Variants in AMBP observed in about 807,000 individuals in gnomAD.
AMBP encodes protein AMBP.
AMBP carries 37 observed loss-of-function variants against 46.3 expected under a neutral mutation model. The ratio of observed to expected loss-of-function variants is 0.80; its 90% CI spans 0.61 to 1.05. AMBP has a LOEUF of 1.05. AMBP is among the 50% of genes least tolerant of loss of function. The pLI is 0.00. For missense variants in AMBP, 475 were observed against 461.2 expected (o/e 1.03, Z -0.27); for synonymous variants, 174 against 175.9 (o/e 0.99, Z 0.09).
At chr9:114,073,165 A>G in intron 4 of AMBP, 139 bp from the exon 5 acceptor site, 1 of 715,226 alleles carries the variant, frequency 1.4e-6, no homozygotes, top group South Asian at 2.0e-5. Context: ...TGATACACTG[A>G]AGGAAAGACA....
chr9:114,071,671 G>A (rs550295419), intron 5 of AMBP, among the ~76,000 whole-genome samples: 10 of 152,344 alleles, frequency 6.6e-5, no homozygotes, highest in Admixed American at 1.3e-4. Context: ...ACCCATGGCC[G>A]CCCATGGGCC....
At chr9:114,065,247 CAATT>C (rs747668076) in intron 6 of AMBP, among the ~76,000 whole-genome samples, 2 of 152,150 alleles carry the variant, frequency 1.3e-5, no homozygotes, top group Non-Finnish European at 2.9e-5. Flanking sequence ...TGTTCAGATG[CAATT>C]AATTAAGATG....
chr9:114,061,170 G>A, intron 8 of AMBP, 72 bp from the exon 9 acceptor site: 1 of 1,548,574 alleles, frequency 6.5e-7, no homozygotes, highest in Non-Finnish European at 8.8e-7. Context: ...TGAGACTGCT[G>A]AGCCAGAGGG....
chr9:114,070,639 G>C (rs564925426), intron 5 of AMBP, among the ~76,000 whole-genome samples: 1 of 152,188 alleles, frequency 6.6e-6, no homozygotes, highest in Non-Finnish European at 1.5e-5. Flanking sequence ...ACAGAGCATG[G>C]GGCTGGGCCT....
At chr9:114,073,956 T>G in intron 4 of AMBP, 80 bp downstream of exon 4, 1 of 1,360,898 alleles carries the variant, frequency 7.3e-7, no homozygotes, top group Non-Finnish European at 1.1e-6. Context: ...AAACTCCCTG[T>G]GCTTACCCAC....
In AMBP at chr9:114,073,249, C is replaced by CT. The variant is rs758485999; in HGVS notation, c.455-224_455-223insA. 7.5e-3 allele frequency among the ~76,000 whole-genome samples: 1,120 copies of CT among 149,546 alleles called. 17 individuals carry two copies. The highest frequency in any genetic ancestry group is 0.024 in the African/African-American group (987 of 40,556). ...CTGAGTCCCCACAAAGGACTCTTCC[C>CT]CTTTTTTTTTTTTTTGAGACGGAGT... On this transcript the variant is annotated intron_variant, in intron 4 of 9. Coordinates refer to ENST00000265132, the MANE Select transcript of AMBP (RefSeq NM_001633.4).
Position 114,075,034 on chromosome 9 carries a change from T to A in AMBP, c.263A>T (p.Lys88Ile). The change falls in exon 3 of 10, where the codon AAA becomes ATA. Residue 88 changes from lysine (K) to isoleucine (I), a missense_variant and splice_region_variant. This residue lies in a region of AMBP where 179 missense variants were observed against 167.4 expected (regional missense o/e 1.07). Transcript: ENST00000265132. ...TCCAGACGTCTCCTCACAGACACCTTTCCTAGAAATGAACAAATCAAAAGG... is the reference window on the plus strand; with the variant it reads ...TCCAGACGTCTCCTCACAGACACCTATCCTAGAAATGAACAAATCAAAAGG... ...EISMTSTRWR[K>I]GVCEETSGAY... The A allele has an allele frequency of 6.2e-7, 1 of 1,613,906 alleles. No individual in the cohort carries two copies. Among genetic ancestry groups the A allele is most frequent in the South Asian group, 1.1e-5 (1 of 91,070 alleles).
intron 4 of AMBP, 30 bp downstream of exon 4, chr9:114,074,006 C>T: frequency 2.5e-6 from 4 of 1,597,094 alleles, no homozygotes; most frequent in Non-Finnish European, 3.4e-6. Flanking sequence ...CCCTTAACTC[C>T]AATGGGCACA....
At position 114,060,266 on chromosome 9, in the gene AMBP, A is replaced by T. The variant is rs778453463; in HGVS notation, c.1032T>A (p.Asp344Glu). Residue 344 changes from aspartate (D) to glutamate (E), a missense_variant, in exon 10 of 10, where the codon GAT becomes GAA. This residue lies in a region of AMBP where 293 missense variants were observed against 276.9 expected (regional missense o/e 1.06). Coordinates refer to ENST00000265132, the MANE Select transcript of AMBP (RefSeq NM_001633.4). ...REYCGVPGDG[D>E]EELLRFSN is the part of the protein sequence containing the mutation. ...AGTTGGAGAAGCGCAGCAGCTCCTC[A>T]TCACCTGTGGACACAGAGAGACTCA... 1 of 1,613,404 alleles carries T rather than the reference A, an allele frequency of 6.2e-7. No individual in the cohort carries two copies. The highest frequency in any genetic ancestry group is 8.5e-7 in the Non-Finnish European group (1 of 1,179,754).
intron 7 of AMBP, among the ~76,000 whole-genome samples, 192 bp from the exon 8 acceptor site, chr9:114,061,783 T>C (rs1846642107): frequency 6.6e-6 from 1 of 152,146 alleles, no homozygotes; most frequent in Admixed American, 6.5e-5. Flanking sequence ...TTCAAAACCC[T>C]GTCTCCAAAA....
At chr9:114,072,878 A>T in intron 5 of AMBP, 47 bp downstream of exon 5, 1 of 1,572,730 alleles carries the variant, frequency 6.4e-7, no homozygotes, top group Non-Finnish European at 8.7e-7. Flanking sequence ...GGCGCCCACA[A>T]GGGACGAAGA....
At position 114,062,906 on chromosome 9, in the gene AMBP, T is replaced by C. The variant is rs551860641; in HGVS notation, c.604-148A>G. 6 of 737,814 alleles carry C rather than the reference T, an allele frequency of 8.1e-6. No individual in the cohort carries two copies. In the East Asian group the frequency reaches 1.3e-4, roughly 17 times the overall value. 45.7% of individuals were successfully genotyped at this position (737,814 alleles called of 1,614,324 possible). The stretch of plus-strand genomic sequence containing the variant: ...TTAGACTGGTTAAAGGAGACTGTTT[T>C]CCCAAAAGTGTCAACCTGAATTCCT... On this transcript the variant is annotated intron_variant, in intron 6 of 9. Coordinates refer to ENST00000265132, the MANE Select transcript of AMBP (RefSeq NM_001633.4).
At chr9:114,075,992 G>A (rs1055568437) in intron 2 of AMBP, among the ~76,000 whole-genome samples, 1 of 152,114 alleles carries the variant, frequency 6.6e-6, no homozygotes, top group Admixed American at 6.6e-5. Flanking sequence ...AGTTCTGGGT[G>A]CTGGGAGGGT....
rs182260996 is a variant in AMBP, at chr9:114,061,344, C to G, written c.853+80G>C. The G allele has an allele frequency of 1.9e-4, 311 of 1,598,482 alleles. 2 individuals carry two copies. The African/African-American group carries it at 3.8e-3, about 20-fold the overall frequency. On this transcript the variant is annotated intron_variant, in intron 8 of 9. Transcript: ENST00000265132. Reference sequence around the variant, plus strand: ...CACTGGAATGCCCTCTGTTAGCTACCTTTTCAATTCGCAGGTGGTTTACTG... The same window carrying G: ...CACTGGAATGCCCTCTGTTAGCTACGTTTTCAATTCGCAGGTGGTTTACTG...
chr9:114,070,577 C>A (rs1462607492), intron 5 of AMBP, among the ~76,000 whole-genome samples: 1 of 152,184 alleles, frequency 6.6e-6, no homozygotes, highest in African/African-American at 2.4e-5. Flanking sequence ...TACAGTTGGG[C>A]AGAGAGGGCC....
At chr9:114,060,316 C>T (rs1323162848) in intron 9 of AMBP, 46 bp from the exon 10 acceptor site, 1 of 1,604,472 alleles carries the variant, frequency 6.2e-7, no homozygotes, top group Non-Finnish European at 8.5e-7. Context: ...GGCAGGGACA[C>T]TCAGGGAAGG....
intron 5 of AMBP, 92 bp downstream of exon 5, chr9:114,072,833 G>A: frequency 2.6e-6 from 3 of 1,146,970 alleles, no homozygotes; most frequent in Non-Finnish European, 2.5e-6. Flanking sequence ...ATCTCAGAGG[G>A]TTATAGTAAG....
In AMBP at chr9:114,074,091, G is replaced by A; in HGVS notation, c.399C>T (p.Phe133=). The A allele has an allele frequency of 6.2e-7, 1 of 1,614,134 alleles. No individual in the cohort carries two copies. ...VHTNYDEYAI[F]LTKKFSRHHG... ...GATGGCGGCTGAATTTCTTGGTCAGGAAAATGGCATACTCATCATAGTTGG... is the reference window on the plus strand; with the variant it reads ...GATGGCGGCTGAATTTCTTGGTCAGAAAAATGGCATACTCATCATAGTTGG... The change falls in exon 4 of 10, where the codon TTC becomes TTT. Residue 133 remains phenylalanine, a synonymous_variant. Coordinates refer to ENST00000265132, the MANE Select transcript of AMBP (RefSeq NM_001633.4).
chr9:114,061,109 G>C lies in AMBP; in HGVS notation c.854-11C>G. The C allele has an allele frequency of 6.2e-7, 1 of 1,613,262 alleles. No homozygotes were observed. The highest frequency in any genetic ancestry group is 8.5e-7 in the Non-Finnish European group (1 of 1,179,620). ...GGAGATTGCAGGCCGCTGTGGAGTGGAGAGAGGCATGGAACTTGAGAAACC... is the reference window on the plus strand; with the variant it reads ...GGAGATTGCAGGCCGCTGTGGAGTGCAGAGAGGCATGGAACTTGAGAAACC... On this transcript the variant is annotated splice_polypyrimidine_tract_variant and intron_variant, in intron 8 of 9. Transcript: ENST00000265132.
Sources: gnomAD v4.1 joint callset for allele counts (sites outside exome capture counted in the v4.1 genomes callset) on GRCh38, gnomAD v4.1.1 for gene constraint, gnomAD v4.1.1 regional missense constraint, MANE v1.5 for transcripts, NCBI Gene and HGNC (gene_info 2026-07-23, HGNC 2026-07-21) for gene names.